Variants in STPG2 observed in about 807,000 individuals in gnomAD.
The protein encoded by STPG2 is sperm tail PG-rich repeat containing 2.
Under a neutral mutation model 54.2 loss-of-function variants are expected in STPG2, and 56 were observed. That is an observed-to-expected ratio of 1.03 (90% confidence interval 0.83 to 1.29). The LOEUF is 1.29. Ranked by LOEUF, STPG2 falls within the 50% of genes most tolerant of loss-of-function variation. STPG2 has a pLI of 0.00. For synonymous variants in STPG2, 200 were observed against 181.8 expected (o/e 1.10, Z -0.81); for missense variants, 596 against 544.9 (o/e 1.09, Z -0.93).
intron 8 of STPG2, among the ~76,000 whole-genome samples, chr4:97,882,398 A>T (rs1475390557): frequency 6.6e-6 from 1 of 152,190 alleles, no homozygotes; most frequent in Non-Finnish European, 1.5e-5. Context: ...AAAGGCAGTA[A>T]ACCATGTTGC....
chr4:97,725,129 T>C (rs1724578048), intron 9 of STPG2, among the ~76,000 whole-genome samples: 1 of 152,070 alleles, frequency 6.6e-6, no homozygotes, highest in South Asian at 2.1e-4. Flanking sequence ...GGATGAGGTA[T>C]GATAGTGGGA....
intron 5 of STPG2, among the ~76,000 whole-genome samples, chr4:98,012,637 T>G (rs1735795561): frequency 6.6e-6 from 1 of 152,200 alleles, no homozygotes; most frequent in African/African-American, 2.4e-5. Flanking sequence ...GAGTGATGGT[T>G]TGTAGTTCTC....
intron 8 of STPG2, among the ~76,000 whole-genome samples, chr4:97,878,034 C>A (rs1285925659): frequency 6.6e-6 from 1 of 152,216 alleles, no homozygotes; most frequent in Non-Finnish European, 1.5e-5. Context: ...GTCTGAAATT[C>A]AGCAGGGCAG....
At chr4:97,613,698 T>C (rs1413888879) in intron 10 of STPG2, among the ~76,000 whole-genome samples, 1 of 152,104 alleles carries the variant, frequency 6.6e-6, no homozygotes. Flanking sequence ...TTATTTCATA[T>C]TATGGATTAT....
intron 5 of STPG2, among the ~76,000 whole-genome samples, chr4:98,061,975 T>A (rs7662218): frequency 2.0e-5 from 3 of 151,982 alleles, no homozygotes; most frequent in African/African-American, 4.8e-5. Flanking sequence ...TAAATGATTC[T>A]ACCATAAAGA....
chr4:97,595,022 C>A (rs574685769), intron 10 of STPG2, among the ~76,000 whole-genome samples: 56 of 152,250 alleles, frequency 3.7e-4, no homozygotes, highest in African/African-American at 1.3e-3. Context: ...CTAGTTCAAC[C>A]ATTGTGGAAG....
chr4:98,028,759 A>G (rs1200033576), intron 5 of STPG2, among the ~76,000 whole-genome samples: 2 of 151,740 alleles, frequency 1.3e-5, no homozygotes, highest in Non-Finnish European at 2.9e-5. Flanking sequence ...TTTATTTTCT[A>G]TTTCCTAAGT....
At chr4:97,926,864 C>T (rs1178953511) in intron 8 of STPG2, among the ~76,000 whole-genome samples, 1 of 151,980 alleles carries the variant, frequency 6.6e-6, no homozygotes, top group Admixed American at 6.6e-5. Context: ...ATAACTCTAC[C>T]ATTTTTACAA....
chr4:97,918,402 ACT>A (rs1175042961), intron 8 of STPG2, among the ~76,000 whole-genome samples: 4 of 152,044 alleles, frequency 2.6e-5, no homozygotes, highest in Non-Finnish European at 5.9e-5. Flanking sequence ...ATTAAGGAGA[ACT>A]CTCTATATAT....
intron 9 of STPG2, among the ~76,000 whole-genome samples, chr4:97,783,824 C>G (rs879362524): frequency 4.0e-5 from 6 of 151,406 alleles, no homozygotes; most frequent in Admixed American, 1.3e-4. Context: ...ATCACAAGGA[C>G]AAAAAACCAA....
At chr4:97,839,464 A>G (rs991989161) in intron 9 of STPG2, among the ~76,000 whole-genome samples, 1 of 151,648 alleles carries the variant, frequency 6.6e-6, no homozygotes, top group African/African-American at 2.4e-5. Flanking sequence ...ATGATACTCA[A>G]CATAATTTAC....
intron 10 of STPG2, among the ~76,000 whole-genome samples, chr4:97,571,567 T>C (rs1198227995): frequency 2.6e-5 from 4 of 152,160 alleles, no homozygotes; most frequent in African/African-American, 4.8e-5. Context: ...TTCCCTTCTA[T>C]TGATCCCAGG....
intron 9 of STPG2, among the ~76,000 whole-genome samples, chr4:97,759,071 C>CT (rs1725813917): frequency 6.6e-6 from 1 of 152,036 alleles, no homozygotes; most frequent in South Asian, 2.1e-4. Context: ...CAAGTTATTA[C>CT]AGAGATGATG....
At chr4:97,730,576 C>G (rs1724765426) in intron 9 of STPG2, among the ~76,000 whole-genome samples, 1 of 152,126 alleles carries the variant, frequency 6.6e-6, no homozygotes, top group Admixed American at 6.5e-5. Flanking sequence ...GAGGAATCTC[C>G]AAACTGCTCT....
chr4:98,138,347 A>G (rs1740190805), intron 1 of STPG2, among the ~76,000 whole-genome samples: 1 of 152,084 alleles, frequency 6.6e-6, no homozygotes, highest in Admixed American at 6.6e-5. Context: ...TGACAGAAAG[A>G]AGAAATTAAG....
chr4:97,989,323 T>C (rs1054505857), intron 5 of STPG2, among the ~76,000 whole-genome samples: 5 of 152,188 alleles, frequency 3.3e-5, no homozygotes, highest in South Asian at 2.1e-4. Context: ...TATACAGATA[T>C]GCCGTATTCT....
At chr4:97,724,341 A>C (rs763328048) in intron 9 of STPG2, among the ~76,000 whole-genome samples, 1 of 152,172 alleles carries the variant, frequency 6.6e-6, no homozygotes, top group Non-Finnish European at 1.5e-5. Flanking sequence ...TGATATCTTG[A>C]CTATATAAAG....
intron 9 of STPG2, among the ~76,000 whole-genome samples, chr4:97,729,073 C>CTCTCTCTCTCTCTCTG: frequency 6.7e-6 from 1 of 149,502 alleles, no homozygotes; most frequent in Non-Finnish European, 1.5e-5. Context: ...TTCTCTCTCT[C>CTCTCTCTCTCTCTCTG]TCTCTCTCTC....
chr4:97,733,270 G>T (rs540151066), intron 9 of STPG2, among the ~76,000 whole-genome samples: 1 of 152,214 alleles, frequency 6.6e-6, no homozygotes, highest in South Asian at 2.1e-4. Flanking sequence ...TAAAAGGAAT[G>T]AAATAATGTC....
Sources: allele counts gnomAD v4.1 joint callset (sites outside exome capture counted in the v4.1 genomes callset), GRCh38; gene constraint gnomAD v4.1.1; transcripts MANE v1.5; gene names NCBI Gene and HGNC (gene_info 2026-07-23, HGNC 2026-07-21).